Variants in C16orf74 observed in about 807,000 individuals in gnomAD.
C16orf74 encodes the protein uncharacterized protein C16orf74.
A neutral mutation model predicts 6.5 loss-of-function variants in C16orf74; 10 were observed. The observed-to-expected ratio is 1.54, with a 90% CI of 0.95 to 2.61. The LOEUF is 2.61. Ranked by LOEUF, C16orf74 falls within the 30% of genes most tolerant of loss-of-function variation. C16orf74 has a pLI of 0.00. For missense variants in C16orf74, 141 were observed against 105.9 expected, an observed-to-expected ratio of 1.33 and a Z score of -1.45; for synonymous variants, 60 against 42.5, an observed-to-expected ratio of 1.41 and a Z score of -1.60.
intron 1 of C16orf74, among the ~76,000 whole-genome samples, chr16:85,739,505 G>T (rs1168794539): frequency 6.6e-6 from 1 of 152,212 alleles, no homozygotes; most frequent in Non-Finnish European, 1.5e-5. Flanking sequence ...GGGGCACAGG[G>T]AGGCGTCACC....
At chr16:85,715,013 C>T (rs1014713031) in intron 2 of C16orf74, among the ~76,000 whole-genome samples, 11 of 151,254 alleles carry the variant, frequency 7.3e-5, no homozygotes, top group Admixed American at 2.6e-4. Flanking sequence ...AAAAATTAGG[C>T]AGGCACGGTG....
At chr16:85,717,390 CT>C (rs775035279) in intron 2 of C16orf74, among the ~76,000 whole-genome samples, 75 of 152,322 alleles carry the variant, frequency 4.9e-4, no homozygotes, top group Non-Finnish European at 9.6e-4. Flanking sequence ...TCCCAGGTGA[CT>C]TTAACAGCCA....
At chr16:85,717,291 A>G (rs2054035266) in intron 2 of C16orf74, among the ~76,000 whole-genome samples, 1 of 152,146 alleles carries the variant, frequency 6.6e-6, no homozygotes, top group Admixed American at 6.5e-5. Context: ...CTGCCCATTG[A>G]GATCACCTGG....
At chr16:85,750,710 G>T (rs2054428110) in intron 1 of C16orf74, among the ~76,000 whole-genome samples, 2 of 152,178 alleles carry the variant, frequency 1.3e-5, no homozygotes, top group South Asian at 2.1e-4. Context: ...GGCCAGAGCC[G>T]GGCCAAGTTT....
chr16:85,729,392 C>G (rs1202529315), intron 2 of C16orf74, among the ~76,000 whole-genome samples: 2 of 152,240 alleles, frequency 1.3e-5, no homozygotes, highest in African/African-American at 4.8e-5. Context: ...AGCCCCTTTC[C>G]TTTGGACTCG....
At position 85,708,028 on chromosome 16, in the gene C16orf74, C is replaced by A. The variant is rs769728815; in HGVS notation, c.211G>T (p.Glu71Ter). 6.4e-7 allele frequency: 1 copy of A among 1,553,462 alleles called. No homozygotes were observed. The highest frequency in any genetic ancestry group is 2.4e-5 in the East Asian group (1 of 41,042). The stretch of plus-strand genomic sequence containing the variant: ...CCTCCTCAGGCTTCTGGGTCGATTT[C>A]TCCATCATCTGGGCACGACCCTGTC... ...DETGSCPDDGEIDPEA is the reference protein window; with the variant it reads ...DETGSCPDDG Residue 71 changes from glutamate (E) to a stop codon, truncating the protein, a stop_gained, in exon 4 of 4, where the codon GAA (glutamate) becomes TAA (stop). Transcript: ENST00000284245. LOFTEE classifies it high-confidence loss of function.
intron 1 of C16orf74, among the ~76,000 whole-genome samples, chr16:85,745,606 C>T (rs1002983994): frequency 2.7e-5 from 4 of 150,518 alleles, no homozygotes; most frequent in African/African-American, 9.8e-5. Context: ...GCTGAGGGAC[C>T]CTGCTCACTG....
chr16:85,737,528 T>C (rs796978685), intron 1 of C16orf74, among the ~76,000 whole-genome samples: 2 of 152,226 alleles, frequency 1.3e-5, no homozygotes, highest in African/African-American at 4.8e-5. Context: ...GAAGACCCTG[T>C]CTCTATAAAA....
chr16:85,720,951 C>T (rs1039144740), intron 2 of C16orf74, among the ~76,000 whole-genome samples: 1 of 149,948 alleles, frequency 6.7e-6, no homozygotes, highest in Non-Finnish European at 1.5e-5. Context: ...ATTAGCCAGC[C>T]GTGGTGGTGG....
intron 2 of C16orf74, among the ~76,000 whole-genome samples, chr16:85,730,009 G>A (rs1455006017): frequency 6.6e-6 from 1 of 152,202 alleles, no homozygotes; most frequent in African/African-American, 2.4e-5. Context: ...TCCCATCCCA[G>A]CCAGCCAAGT....
Position 85,710,361 on chromosome 16 carries a change from C to G in C16orf74, c.29-54G>C, listed in dbSNP as rs147002684. The G allele has an allele frequency of 1.3e-5, 18 of 1,424,600 alleles. No individual in the cohort carries two copies. The Middle Eastern group carries it at 1.8e-3, about 141-fold the overall frequency. 88.2% of individuals were successfully genotyped at this position (1,424,600 alleles called of 1,614,324 possible). Reference sequence around the variant, plus strand: ...CACGTACACACGACAGAGAGACAGGCATCAGTGGCCGCCGGGAACCGCGGG... The same window carrying G: ...CACGTACACACGACAGAGAGACAGGGATCAGTGGCCGCCGGGAACCGCGGG... On this transcript the variant is annotated intron_variant, in intron 2 of 3. Coordinates refer to ENST00000284245, the MANE Select transcript of C16orf74 (RefSeq NM_206967.3).
At chr16:85,735,106 G>A (rs900647309) in intron 2 of C16orf74, 84 bp downstream of exon 2, 3 of 1,227,748 alleles carry the variant, frequency 2.4e-6, no homozygotes, top group Non-Finnish European at 2.3e-6. Flanking sequence ...CAGGGCAGAG[G>A]GCTTCAACTC....
At chr16:85,728,529 C>T (rs903636352) in intron 2 of C16orf74, among the ~76,000 whole-genome samples, 5 of 152,092 alleles carry the variant, frequency 3.3e-5, no homozygotes, top group African/African-American at 1.2e-4. Context: ...GCCCACCCCG[C>T]CCCCACAGAA....
intron 2 of C16orf74, among the ~76,000 whole-genome samples, chr16:85,719,027 G>C (rs144052596): frequency 1.3e-5 from 2 of 152,222 alleles, no homozygotes; most frequent in African/African-American, 4.8e-5. Flanking sequence ...CCAGGGGCTT[G>C]GGAAGGAGGA....
In C16orf74 at chr16:85,710,183, C is replaced by T. The variant is rs771741917; in HGVS notation, c.153G>A (p.Pro51=). 8.0e-5 allele frequency: 117 copies of T among 1,470,678 alleles called. 1 individual carries two copies. The Admixed American group carries it at 8.9e-4, about 11-fold the overall frequency. 91.1% of individuals were successfully genotyped at this position (1,470,678 alleles called of 1,614,324 possible). The part of the protein sequence containing the change: ...TPPTPTGMML[P]RDLGSTVWLD... Reference sequence around the variant, plus strand: ...CCTCACCTGTGCTCCCCAAGTCCCTCGGCAGCATCATGCCCGTGGGGGTGG... The same window carrying T: ...CCTCACCTGTGCTCCCCAAGTCCCTTGGCAGCATCATGCCCGTGGGGGTGG... The change falls in exon 3 of 4, where the codon CCG becomes CCA. Residue 51 remains proline, a synonymous_variant. Coordinates refer to ENST00000284245, the MANE Select transcript of C16orf74 (RefSeq NM_206967.3).
At chr16:85,716,518 CAG>C (rs563171625) in intron 2 of C16orf74, among the ~76,000 whole-genome samples, 143 of 90,428 alleles carry the variant, frequency 1.6e-3, no homozygotes, top group Non-Finnish European at 2.6e-3. Context: ...AGGGAGGAGA[CAG>C]GGGAGAAGGA....
At chr16:85,713,696 G>A (rs923682527) in intron 2 of C16orf74, among the ~76,000 whole-genome samples, 2 of 152,218 alleles carry the variant, frequency 1.3e-5, no homozygotes, top group Admixed American at 1.3e-4. Context: ...ACATTCTGAG[G>A]CCCTGGGGGC....
chr16:85,732,294 G>A (rs1452202529), intron 2 of C16orf74, among the ~76,000 whole-genome samples: 3 of 152,210 alleles, frequency 2.0e-5, no homozygotes, highest in African/African-American at 4.8e-5. Context: ...CTAGTTTGGG[G>A]TCATCTCTTA....
At chr16:85,749,988 G>C (rs780502140) in intron 1 of C16orf74, among the ~76,000 whole-genome samples, 2 of 152,176 alleles carry the variant, frequency 1.3e-5, no homozygotes, top group Non-Finnish European at 2.9e-5. Flanking sequence ...CACAGGTGAG[G>C]GTGCTTTTTG....
Sources: allele counts gnomAD v4.1 joint callset (sites outside exome capture counted in the v4.1 genomes callset), GRCh38; gene constraint gnomAD v4.1.1; transcripts MANE v1.5; gene names NCBI Gene and HGNC (gene_info 2026-07-23, HGNC 2026-07-21).